PLXDC2: variants seen among roughly 807,000 people sequenced by gnomAD.
PLXDC2 encodes plexin domain-containing protein 2.
PLXDC2 carries 40 observed loss-of-function variants against 68.9 expected under a neutral mutation model. The ratio of observed to expected loss-of-function variants is 0.58; its 90% CI spans 0.45 to 0.76. The LOEUF (loss-of-function observed/expected upper bound fraction) is 0.76, where lower values mean the gene tolerates loss of function less well. PLXDC2 is among the 30% of genes least tolerant of loss of function. PLXDC2 has a pLI of 0.00. For synonymous variants in PLXDC2, 243 were observed against 234.2 expected (o/e 1.04, Z -0.34); for missense variants, 644 against 661.9 (o/e 0.97, Z 0.30).
At chr10:19,951,543 G>T (rs371773926) in intron 1 of PLXDC2, among the ~76,000 whole-genome samples, 2 of 152,168 alleles carry the variant, frequency 1.3e-5, no homozygotes, top group Non-Finnish European at 2.9e-5. Context: ...ATGCTTATAC[G>T]CTGTTGGTGG....
intron 3 of PLXDC2, among the ~76,000 whole-genome samples, chr10:20,059,680 A>G (rs1217412615): frequency 6.6e-6 from 1 of 152,126 alleles, no homozygotes; most frequent in African/African-American, 2.4e-5. Context: ...TTCCATGGAC[A>G]TTTTGATCTT....
intron 4 of PLXDC2, among the ~76,000 whole-genome samples, chr10:20,114,411 G>A (rs946950528): frequency 6.6e-6 from 1 of 152,206 alleles, no homozygotes; most frequent in African/African-American, 2.4e-5. Flanking sequence ...TGAGTACACG[G>A]ATCAATGTCA....
intron 1 of PLXDC2, among the ~76,000 whole-genome samples, chr10:20,000,925 G>A (rs1834925329): frequency 6.6e-6 from 1 of 152,158 alleles, no homozygotes; most frequent in African/African-American, 2.4e-5. Flanking sequence ...AATACTTGTG[G>A]CATGCTTTCC....
intron 2 of PLXDC2, among the ~76,000 whole-genome samples, chr10:20,038,268 A>G (rs1017066986): frequency 3.3e-5 from 5 of 151,996 alleles, no homozygotes; most frequent in Non-Finnish European, 5.9e-5. Context: ...AAAAAAAAGA[A>G]TAAAATAAAT....
chr10:20,005,582 G>A (rs1215033888), intron 2 of PLXDC2, among the ~76,000 whole-genome samples: 1 of 152,124 alleles, frequency 6.6e-6, no homozygotes, highest in Admixed American at 6.6e-5. Context: ...CATCTGCTTG[G>A]CTTCTGGTGT....
At chr10:20,210,740 AAT>A (rs1195063155) in intron 9 of PLXDC2, among the ~76,000 whole-genome samples, 1 of 152,184 alleles carries the variant, frequency 6.6e-6, no homozygotes, top group Non-Finnish European at 1.5e-5. Flanking sequence ...CGTAGAGTGG[AAT>A]CCAGGAGAGA....
rs1564324977 is a variant in PLXDC2, at chr10:20,126,396, C to CATATATGTATATATAACACACGTT, written c.542-16886_542-16885insTAACACACGTTATATATGTATATA. 1.7e-3 allele frequency among the ~76,000 whole-genome samples: 236 copies of CATATATGTATATATAACACACGTT among 137,074 alleles called. 33 individuals are homozygous for CATATATGTATATATAACACACGTT. The highest frequency in any genetic ancestry group is 6.7e-3 in the African/African-American group (225 of 33,532). 89.9% of individuals were successfully genotyped at this position (137,074 alleles called of 152,430 possible). On this transcript the variant is annotated intron_variant, in intron 4 of 13. Transcript: ENST00000377252. ...ATATATACATATGTGTTATATAATA[C>CATATATGTATATATAACACACGTT]ATATATGTATATACAACACACGTTA...
chr10:20,050,559 T>G (rs1835879647), intron 3 of PLXDC2, among the ~76,000 whole-genome samples: 1 of 152,000 alleles, frequency 6.6e-6, no homozygotes, highest in Admixed American at 6.6e-5. Flanking sequence ...GAACAGACAC[T>G]TTTCAAAAGA....
At chr10:19,868,778 A>T (rs1837470176) in intron 1 of PLXDC2, among the ~76,000 whole-genome samples, 1 of 152,174 alleles carries the variant, frequency 6.6e-6, no homozygotes, top group African/African-American at 2.4e-5. Context: ...TTTGACCTTG[A>T]CACTTTATTC....
rs2681934 is a variant in PLXDC2, at chr10:20,271,144, C to T, written c.1474-8559C>T. Among the ~76,000 whole-genome samples, 9 of 16,642 alleles carry T rather than the reference C, an allele frequency of 5.4e-4. 1 individual carries two copies. Among genetic ancestry groups the T allele is most frequent in the African/African-American group, 1.2e-3 (6 of 4,932 alleles). 10.9% of individuals were successfully genotyped at this position (16,642 alleles called of 152,430 possible). On this transcript the variant is annotated intron_variant, in intron 13 of 13. Transcript: ENST00000377252. ...AAGACAAAAAACAGACACACACACA[C>T]ACACACACACACACACACACAAACA... is the stretch of plus-strand genomic sequence containing the variant.
intron 10 of PLXDC2, among the ~76,000 whole-genome samples, chr10:20,212,977 A>T (rs1223895778): frequency 6.6e-6 from 1 of 152,036 alleles, no homozygotes; most frequent in Non-Finnish European, 1.5e-5. Flanking sequence ...TCAGATGTAT[A>T]TTTTTTCTCC....
At chr10:20,183,497 G>T (rs1834635251) in intron 9 of PLXDC2, among the ~76,000 whole-genome samples, 1 of 151,962 alleles carries the variant, frequency 6.6e-6, no homozygotes, top group East Asian at 1.9e-4. Context: ...AGTGAAGAGG[G>T]AGAGACATGA....
intron 3 of PLXDC2, among the ~76,000 whole-genome samples, chr10:20,048,493 G>T (rs1209234909): frequency 6.6e-6 from 1 of 151,902 alleles, no homozygotes; most frequent in Admixed American, 6.6e-5. Flanking sequence ...ATAAAGATTA[G>T]ATTTTAACAA....
chr10:20,083,166 C>G (rs570240643), intron 4 of PLXDC2, among the ~76,000 whole-genome samples: 48 of 152,168 alleles, frequency 3.2e-4, no homozygotes, highest in African/African-American at 1.2e-3. Flanking sequence ...TCACAATCAT[C>G]TGTGCTTTTC....
chr10:20,114,610 C>T (rs900969497), intron 4 of PLXDC2, among the ~76,000 whole-genome samples: 3 of 152,190 alleles, frequency 2.0e-5, no homozygotes, highest in Admixed American at 2.0e-4. Flanking sequence ...GTAATCAGGC[C>T]TTCTGGGTTT....
At chr10:20,090,591 T>G (rs1325191326) in intron 4 of PLXDC2, among the ~76,000 whole-genome samples, 7 of 152,196 alleles carry the variant, frequency 4.6e-5, no homozygotes, top group African/African-American at 9.6e-5. Flanking sequence ...TTAAGGTACA[T>G]TTAATGCCTC....
intron 4 of PLXDC2, among the ~76,000 whole-genome samples, chr10:20,087,855 TC>T (rs1389785832): frequency 2.6e-5 from 4 of 152,170 alleles, no homozygotes; most frequent in African/African-American, 9.7e-5. Flanking sequence ...ATTAATAATT[TC>T]CCTACCACTT....
At chr10:20,265,832 A>C (rs1303559009) in intron 13 of PLXDC2, among the ~76,000 whole-genome samples, 1 of 152,172 alleles carries the variant, frequency 6.6e-6, no homozygotes, top group Non-Finnish European at 1.5e-5. Flanking sequence ...GCAGGTGACT[A>C]CTTGTTACTC....
intron 1 of PLXDC2, among the ~76,000 whole-genome samples, chr10:19,840,727 A>G (rs866411384): frequency 6.6e-6 from 1 of 152,148 alleles, no homozygotes; most frequent in Non-Finnish European, 1.5e-5. Flanking sequence ...GACAGTAAGG[A>G]CTGGCCTATC....
Sources: gnomAD v4.1 joint callset for allele counts (sites outside exome capture counted in the v4.1 genomes callset) on GRCh38, gnomAD v4.1.1 for gene constraint, MANE v1.5 for transcripts, NCBI Gene and HGNC (gene_info 2026-07-23, HGNC 2026-07-21) for gene names.